LRRK1: variants seen among roughly 807,000 people sequenced by gnomAD.
LRRK1 encodes the protein leucine rich repeat kinase 1, also known as leucine-rich repeat serine/threonine-protein kinase 1.
In LRRK1, 113 loss-of-function variants were observed where a neutral mutation model predicts 209.1. That is an observed-to-expected ratio of 0.54 (90% CI 0.46 to 0.63). The LOEUF (loss-of-function observed/expected upper bound fraction) is 0.63. LRRK1 is among the 30% of genes least tolerant of loss of function. The pLI, the probability that LRRK1 is intolerant of heterozygous loss-of-function variation, is 0.00. For missense variants in LRRK1, 2,284 were observed against 2,632.2 expected (o/e 0.87, Z 2.89); for synonymous variants, 1,144 against 1,099.7 (o/e 1.04, Z -0.80).
chr15:101,062,481 C>A, intron 30 of LRRK1, 93 bp from the exon 31 acceptor site: 1 of 865,230 alleles, frequency 1.2e-6, no homozygotes, highest in Non-Finnish European at 2.0e-6. Context: ...CATAGGGGAT[C>A]CCCAAGTCCA....
At chr15:100,956,067 C>G (rs1040183478) in intron 2 of LRRK1, among the ~76,000 whole-genome samples, 1 of 152,154 alleles carries the variant, frequency 6.6e-6, no homozygotes, top group South Asian at 2.1e-4. Flanking sequence ...CTGGCATTCA[C>G]TCTTCTTTAA....
rs1208134903 is a variant in LRRK1, at chr15:101,071,669, T to G, written c.*2821T>G. ...CCTCCCAAAGTGCTGGGATTACAGG[T>G]GTGAGCTACCTGCGCTGGCCGAATC... On this transcript the variant is annotated 3_prime_UTR_variant, in exon 34 of 34. Transcript: ENST00000388948. The G allele has an allele frequency of 1.3e-5, 2 of 152,226 alleles. No individual in the cohort carries two copies. Among genetic ancestry groups the G allele is most frequent in the African/African-American group, 2.4e-5 (1 of 41,458 alleles). 9.4% of individuals were successfully genotyped at this position (152,226 alleles called of 1,614,324 possible).
chr15:101,001,239 T>C (rs1432139504), intron 6 of LRRK1, among the ~76,000 whole-genome samples: 1 of 152,032 alleles, frequency 6.6e-6, no homozygotes, highest in Non-Finnish European at 1.5e-5. Context: ...TGGTCTGAGT[T>C]CCCAGAGTTC....
At chr15:101,050,652 T>A (rs1367300082) in intron 23 of LRRK1, 1 of 152,444 alleles carries the variant, frequency 6.6e-6, no homozygotes, top group African/African-American at 2.4e-5. Flanking sequence ...AATGCCTGCA[T>A]CCCAGACAGC....
rs147407891 is a variant in LRRK1, at chr15:101,029,933, C to A, written c.2963+701C>A. Among the ~76,000 whole-genome samples, 1,259 of 152,268 alleles carry A rather than the reference C, an allele frequency of 8.3e-3. 18 individuals carry two copies. Among genetic ancestry groups the A allele is most frequent in the African/African-American group, 0.027 (1,137 of 41,548 alleles). On this transcript the variant is annotated intron_variant, in intron 20 of 33. Transcript: ENST00000388948. Reference sequence around the variant, plus strand: ...GCATACTAATTACACAGCCCAGTTCCAAATGCAGTCCAACATGATTAAATC... The same window carrying A: ...GCATACTAATTACACAGCCCAGTTCAAAATGCAGTCCAACATGATTAAATC...
At position 101,065,573 on chromosome 15, in the gene LRRK1, C is replaced by T; in HGVS notation, c.5136C>T (p.Gly1712=). 1 of 1,614,230 alleles carries T rather than the reference C, an allele frequency of 6.2e-7. No individual in the cohort carries two copies. Among genetic ancestry groups the T allele is most frequent in the Non-Finnish European group, 8.5e-7 (1 of 1,180,030 alleles). The change falls in exon 32 of 34, where the codon GGC becomes GGT. Residue 1712 remains glycine (G), a synonymous_variant. Coordinates refer to ENST00000388948, the MANE Select transcript of LRRK1 (RefSeq NM_024652.6). ...GSEVWYSNGP[G]LLVIDCASLE... The stretch of plus-strand genomic sequence containing the variant: ...AGGTCTGGTACAGCAATGGGCCGGG[C>T]CTCCTTGTCATCGACTGTGCCTCCC...
In LRRK1 at chr15:101,048,590, G is replaced by C; in HGVS notation, c.3232G>C (p.Val1078Leu). 1 of 1,579,186 alleles carries C rather than the reference G, an allele frequency of 6.3e-7. No homozygotes were observed. The highest frequency in any genetic ancestry group is 8.6e-7 in the Non-Finnish European group (1 of 1,167,804). The change falls in exon 22 of 34, where the codon GTG becomes CTG. Residue 1078 changes from valine to leucine, a missense_variant. By Grantham distance (32) the Val-to-Leu change is conservative. Transcript: ENST00000388948. ...NQRNRCSTFR[V>L]KRNQTIYWQE... ...GAGAAATCGCTGTAGCACATTCAGA[G>C]TGAAAAGAAATCAGACCATCTATTG... is the stretch of plus-strand genomic sequence containing the variant.
In LRRK1 at chr15:101,052,955, C is replaced by T. The variant is rs377311326; in HGVS notation, c.3723C>T (p.Ser1241=). The part of the protein sequence containing the change: ...LFLENSKLEH[S]EDEGSVLGQG... ...TGGAGAACAGCAAGCTGGAGCACAG[C>T]GAGGACGAGGGCAGCGTCCTGGGCC... Residue 1241 remains serine (S), a synonymous_variant, in exon 25 of 34, where the codon AGC becomes AGT. Coordinates refer to ENST00000388948, the MANE Select transcript of LRRK1 (RefSeq NM_024652.6). The T allele has an allele frequency of 3.9e-5, 63 of 1,611,126 alleles. No individual in the cohort carries two copies. The Admixed American group carries it at 6.0e-4, about 15-fold the overall frequency.
chr15:100,971,841 A>G (rs768500464), intron 2 of LRRK1, among the ~76,000 whole-genome samples: 5 of 152,100 alleles, frequency 3.3e-5, no homozygotes, highest in Non-Finnish European at 5.9e-5. Context: ...CTTTGCCTCC[A>G]TGGGATCAAA....
Position 101,022,351 on chromosome 15 carries a change from C to T in LRRK1, c.1853-32C>T. 1 of 1,599,724 alleles carries T rather than the reference C, an allele frequency of 6.3e-7. No homozygotes were observed. Among genetic ancestry groups the T allele is most frequent in the Non-Finnish European group, 8.6e-7 (1 of 1,167,246 alleles). Reference sequence around the variant, plus strand: ...TAAGAGATGTGAGCATGTGCCCACGCAGCTACCCTTCCCCTTAATGATTTT... The same window carrying T: ...TAAGAGATGTGAGCATGTGCCCACGTAGCTACCCTTCCCCTTAATGATTTT... On this transcript the variant is annotated intron_variant, in intron 14 of 33. Coordinates refer to ENST00000388948, the MANE Select transcript of LRRK1 (RefSeq NM_024652.6). The surrounding 1 kb of genome is among the most constrained non-coding windows in gnomAD (Gnocchi z 4.0).
chr15:101,061,344 CCCTGGGTGGGGG>C, intron 30 of LRRK1, 56 bp downstream of exon 30: 1 of 1,258,416 alleles, frequency 7.9e-7, no homozygotes, highest in South Asian at 1.2e-5. Context: ...CTGGGTGCAG[CCCTGGGTGGGGG>C]CCACATTCAT....
intron 6 of LRRK1, among the ~76,000 whole-genome samples, chr15:100,995,521 G>A (rs2032364226): frequency 6.6e-6 from 1 of 152,200 alleles, no homozygotes; most frequent in African/African-American, 2.4e-5. Context: ...GCCTGGCTGG[G>A]CAGTGCTCCT....
At chr15:100,981,512 C>T (rs1432397611) in intron 3 of LRRK1, among the ~76,000 whole-genome samples, 1 of 152,176 alleles carries the variant, frequency 6.6e-6, no homozygotes, top group Non-Finnish European at 1.5e-5. Flanking sequence ...TCAGACATAC[C>T]TCCCACTGCC....
chr15:100,962,824 T>TATACATATATATATATATATATATATA (rs1555461505), intron 2 of LRRK1, among the ~76,000 whole-genome samples: 1 of 8,444 alleles, frequency 1.2e-4, no homozygotes, highest in African/African-American at 3.4e-4. Context: ...TATATATATA[T>TATACATATATATATATATATATATATA]TTTTTTTTTT....
At chr15:100,941,444 G>GTCTGTGTC (rs1567191151) in intron 2 of LRRK1, among the ~76,000 whole-genome samples, 9 of 137,268 alleles carry the variant, frequency 6.6e-5, no homozygotes, top group Admixed American at 1.4e-4. Flanking sequence ...GTGTGTGTGT[G>GTCTGTGTC]TCTGTGTGTG....
chr15:100,950,510 TACAAG>T (rs2042623891), intron 2 of LRRK1, among the ~76,000 whole-genome samples: 1 of 152,072 alleles, frequency 6.6e-6, no homozygotes, highest in Non-Finnish European at 1.5e-5. Flanking sequence ...TCAAATAAAA[TACAAG>T]AGAATGGCTA....
At chr15:100,951,475 A>C (rs534544040) in intron 2 of LRRK1, among the ~76,000 whole-genome samples, 1 of 152,340 alleles carries the variant, frequency 6.6e-6, no homozygotes, top group East Asian at 1.9e-4. Flanking sequence ...AGATATTCAC[A>C]GAAAAACTTG....
intron 16 of LRRK1, 139 bp downstream of exon 16, chr15:101,025,106 T>C (rs1439995196): frequency 1.3e-6 from 1 of 779,024 alleles, no homozygotes; most frequent in African/African-American, 1.7e-5. Context: ...TGGTCCTGCT[T>C]GCTTTTCACA....
Position 101,073,953 on chromosome 15 carries a change from T to C in LRRK1, c.*5105T>C, listed in dbSNP as rs1311628343. On this transcript the variant is annotated 3_prime_UTR_variant, in exon 34 of 34. Transcript: ENST00000388948. ...ATACAAACTCAACAGTAGTTCCAAA[T>C]AGCCGGAAAACAGCACTTTCAATTT... 1 of 152,162 alleles carries C rather than the reference T, an allele frequency of 6.6e-6. No homozygotes were observed. The highest frequency in any genetic ancestry group is 1.9e-4 in the East Asian group (1 of 5,192). 9.4% of individuals were successfully genotyped at this position (152,162 alleles called of 1,614,324 possible).
Sources: allele counts gnomAD v4.1 joint callset (sites outside exome capture counted in the v4.1 genomes callset), GRCh38; gene constraint gnomAD v4.1.1; non-coding constraint Gnocchi (gnomAD v3.1); transcripts MANE v1.5; gene names NCBI Gene and HGNC (gene_info 2026-07-23, HGNC 2026-07-21).